Variants in NALF1 observed in about 807,000 individuals in gnomAD.
NALF1 encodes family with sequence similarity 155 member A.
Under a neutral mutation model 48.4 loss-of-function variants are expected in NALF1, and 3 were observed. The ratio of observed to expected loss-of-function variants is 0.06; its 90% CI spans 0.03 to 0.16. The LOEUF is 0.16. Among genes scored for constraint, NALF1 ranks in the 10% least tolerant of loss-of-function variants. The pLI is 1.00. For synonymous variants in NALF1, 262 were observed against 245.7 expected, an observed-to-expected ratio of 1.07 and a Z score of -0.62; for missense variants, 526 against 571.5, an observed-to-expected ratio of 0.92 and a Z score of 0.81.
chr13:107,592,239 T>A (rs1480957969), intron 1 of NALF1, among the ~76,000 whole-genome samples: 1 of 151,888 alleles, frequency 6.6e-6, no homozygotes, highest in African/African-American at 2.4e-5. Flanking sequence ...TTTGCTATGA[T>A]GACTAGGAAA....
intron 1 of NALF1, among the ~76,000 whole-genome samples, chr13:107,795,101 TA>T (rs1878379625): frequency 6.6e-6 from 1 of 152,202 alleles, no homozygotes; most frequent in African/African-American, 2.4e-5. Flanking sequence ...GTAAAATGGG[TA>T]AAAATTAGCT....
intron 1 of NALF1, among the ~76,000 whole-genome samples, chr13:107,265,510 C>T (rs1881021428): frequency 2.6e-5 from 4 of 152,112 alleles, no homozygotes; most frequent in Admixed American, 2.6e-4. Flanking sequence ...ACCTCAGCCT[C>T]CCAGGTTCAA....
At chr13:107,271,687 A>T (rs1881168890) in intron 1 of NALF1, among the ~76,000 whole-genome samples, 1 of 150,522 alleles carries the variant, frequency 6.6e-6, no homozygotes. Flanking sequence ...AGATGGTCTA[A>T]TACAAATAAG....
chr13:107,694,394 T>TC (rs1168390016), intron 1 of NALF1, among the ~76,000 whole-genome samples: 1 of 152,100 alleles, frequency 6.6e-6, no homozygotes, highest in African/African-American at 2.4e-5. Context: ...GCTTCTGCTC[T>TC]CTCTCTCTCT....
intron 1 of NALF1, among the ~76,000 whole-genome samples, chr13:107,850,189 G>A (rs776005513): frequency 3.3e-5 from 5 of 152,170 alleles, no homozygotes; most frequent in Non-Finnish European, 7.3e-5. Flanking sequence ...ATCACTAAGT[G>A]CTAATTGTTC....
At chr13:107,586,468 A>G (rs1878459489) in intron 1 of NALF1, among the ~76,000 whole-genome samples, 1 of 152,010 alleles carries the variant, frequency 6.6e-6, no homozygotes, top group Non-Finnish European at 1.5e-5. Flanking sequence ...CTTTTAGAAT[A>G]CCATTCTGTT....
At position 107,696,681 on chromosome 13, in the gene NALF1, A is replaced by G. The variant is rs151072410; in HGVS notation, c.915+169001T>C. On this transcript the variant is annotated intron_variant, in intron 1 of 2. Coordinates refer to ENST00000375915, the MANE Select transcript of NALF1 (RefSeq NM_001080396.3). ...GTTGGGGACTTATATTAGGTAGTGCATATGTAAAAGAACCAGTAGCGTTTG... is the reference window on the plus strand; with the variant it reads ...GTTGGGGACTTATATTAGGTAGTGCGTATGTAAAAGAACCAGTAGCGTTTG... 2.7e-3 allele frequency among the ~76,000 whole-genome samples: 416 copies of G among 152,278 alleles called. 6 individuals carry two copies. The highest frequency in any genetic ancestry group is 9.6e-3 in the African/African-American group (400 of 41,560).
intron 1 of NALF1, among the ~76,000 whole-genome samples, chr13:107,782,672 C>G (rs1374109932): frequency 6.6e-6 from 1 of 151,534 alleles, no homozygotes. Flanking sequence ...GGCCGGCCAT[C>G]GTCTGAGATG....
At chr13:107,618,727 TCTGA>T (rs755827380) in intron 1 of NALF1, among the ~76,000 whole-genome samples, 5 of 152,130 alleles carry the variant, frequency 3.3e-5, no homozygotes, top group Non-Finnish European at 7.4e-5. Context: ...AGTAAAGCAC[TCTGA>T]CTGACCACTT....
chr13:107,213,572 G>A (rs1297221365), intron 1 of NALF1, among the ~76,000 whole-genome samples: 1 of 152,176 alleles, frequency 6.6e-6, no homozygotes, highest in Non-Finnish European at 1.5e-5. Context: ...AAGGACGGAG[G>A]AGAAATATTT....
intron 1 of NALF1, among the ~76,000 whole-genome samples, chr13:107,416,880 G>A (rs771935533): frequency 6.6e-6 from 1 of 151,988 alleles, no homozygotes; most frequent in African/African-American, 2.4e-5. Context: ...ATTTCAACTC[G>A]ACTTTATTCA....
chr13:107,639,605 GTGTGTTT>G (rs775791852), intron 1 of NALF1, among the ~76,000 whole-genome samples: 37,148 of 152,004 alleles, frequency 0.24, 5,135 homozygotes, highest in East Asian at 0.48. Flanking sequence ...CCATACCACT[GTGTGTTT>G]AGGAATGTAT....
chr13:107,732,105 C>A (rs1876326067), intron 1 of NALF1, among the ~76,000 whole-genome samples: 1 of 152,140 alleles, frequency 6.6e-6, no homozygotes, highest in East Asian at 1.9e-4. Flanking sequence ...GACTCTCTAT[C>A]AGCCCCCTGG....
chr13:107,185,162 C>A (rs1323239027), intron 2 of NALF1, among the ~76,000 whole-genome samples: 1 of 152,172 alleles, frequency 6.6e-6, no homozygotes, highest in Admixed American at 6.5e-5. Context: ...GCCTCCAGAA[C>A]AGATGCCCCG....
chr13:107,338,114 A>G (rs987536433), intron 1 of NALF1, among the ~76,000 whole-genome samples: 1 of 152,218 alleles, frequency 6.6e-6, no homozygotes, highest in Non-Finnish European at 1.5e-5. Context: ...CATCTTTTTA[A>G]ACTTAATGAA....
chr13:107,183,763 T>G (rs573287292), intron 2 of NALF1, among the ~76,000 whole-genome samples: 9 of 152,086 alleles, frequency 5.9e-5, no homozygotes, highest in Non-Finnish European at 1.0e-4. Flanking sequence ...AAACAACGCA[T>G]GTTCTCACTC....
intron 1 of NALF1, among the ~76,000 whole-genome samples, chr13:107,614,925 C>T (rs531572878): frequency 1.2e-4 from 19 of 152,060 alleles, no homozygotes; most frequent in African/African-American, 4.3e-4. Context: ...TACAGGCACC[C>T]ACCACCACAT....
intron 1 of NALF1, among the ~76,000 whole-genome samples, chr13:107,853,793 G>C (rs370325012): frequency 8.5e-5 from 13 of 152,194 alleles, no homozygotes; most frequent in African/African-American, 3.1e-4. Context: ...AAAATAGATT[G>C]GGTACTCTTT....
chr13:107,322,374 C>A lies in NALF1; in HGVS notation c.916-111619G>T, dbSNP rs189448547. ...GTCTTAGAACATAAATAATCCATGG[C>A]ATCAGACAGCATATGCTAATTTTAG... On this transcript the variant is annotated intron_variant, in intron 1 of 2. Transcript: ENST00000375915. 2.5e-3 allele frequency among the ~76,000 whole-genome samples: 379 copies of A among 152,284 alleles called. 1 individual carries two copies. The highest frequency in any genetic ancestry group is 8.5e-3 in the African/African-American group (354 of 41,552).
Sources: gnomAD v4.1 joint callset for allele counts (sites outside exome capture counted in the v4.1 genomes callset) on GRCh38, gnomAD v4.1.1 for gene constraint, MANE v1.5 for transcripts, NCBI Gene and HGNC (gene_info 2026-07-23, HGNC 2026-07-21) for gene names.